Variants in SKAP1 observed in about 807,000 individuals in gnomAD.
SKAP1 encodes the protein src kinase associated phosphoprotein 1.
In SKAP1, 44 loss-of-function variants were observed where a neutral mutation model predicts 58.5. That is an observed-to-expected ratio of 0.75 (90% CI 0.59 to 0.97). The LOEUF (loss-of-function observed/expected upper bound fraction) is 0.97. Among genes scored for constraint, SKAP1 ranks in the 50% least tolerant of loss-of-function variants. The pLI is 0.00. For missense variants in SKAP1, 390 were observed against 435.2 expected (o/e 0.90, Z 0.92); for synonymous variants, 127 against 149.7 (o/e 0.85, Z 1.11).
chr17:48,158,976 A>G (rs2064031789), intron 11 of SKAP1, among the ~76,000 whole-genome samples: 1 of 151,646 alleles, frequency 6.6e-6, no homozygotes, highest in African/African-American at 2.4e-5. Flanking sequence ...AAAAAAAAAA[A>G]AAAAAGAAAC....
intron 1 of SKAP1, among the ~76,000 whole-genome samples, chr17:48,407,301 C>T (rs991724281): frequency 5.3e-5 from 8 of 152,078 alleles, no homozygotes; most frequent in Non-Finnish European, 1.0e-4. Context: ...AACAATAAAA[C>T]AAGTCTATGG....
chr17:48,417,355 A>T (rs1262712918), intron 1 of SKAP1, among the ~76,000 whole-genome samples: 1 of 152,240 alleles, frequency 6.6e-6, no homozygotes, highest in Non-Finnish European at 1.5e-5. Flanking sequence ...CAATGAGAGT[A>T]CTTTAGATCA....
intron 4 of SKAP1, among the ~76,000 whole-genome samples, chr17:48,221,623 T>G (rs1367104853): frequency 6.6e-6 from 1 of 152,252 alleles, no homozygotes; most frequent in Non-Finnish European, 1.5e-5. Context: ...ATAAGGAGGT[T>G]ACTAACCAGC....
At chr17:48,262,265 C>T (rs2065493605) in intron 4 of SKAP1, among the ~76,000 whole-genome samples, 1 of 152,136 alleles carries the variant, frequency 6.6e-6, no homozygotes, top group African/African-American at 2.4e-5. Context: ...CAAACCAGTA[C>T]ATTTTAAGAG....
At chr17:48,412,991 C>T (rs2067683724) in intron 1 of SKAP1, among the ~76,000 whole-genome samples, 1 of 151,750 alleles carries the variant, frequency 6.6e-6, no homozygotes, top group South Asian at 2.1e-4. Context: ...TCTGTCTCAT[C>T]CAGCTTTTTA....
chr17:48,282,611 G>A (rs919806288), intron 4 of SKAP1, among the ~76,000 whole-genome samples: 3 of 151,894 alleles, frequency 2.0e-5, no homozygotes, highest in Non-Finnish European at 4.4e-5. Context: ...TCAGCTCTAC[G>A]AAAAAGTAAA....
At chr17:48,344,227 T>A (rs2066692892) in intron 4 of SKAP1, 1 of 486,584 alleles carries the variant, frequency 2.1e-6, no homozygotes, top group Non-Finnish European at 2.7e-6. Context: ...GATTTTGTTT[T>A]CTATATAAAG....
At chr17:48,372,484 T>C (rs1357164109) in intron 2 of SKAP1, among the ~76,000 whole-genome samples, 1 of 151,938 alleles carries the variant, frequency 6.6e-6, no homozygotes, top group East Asian at 1.9e-4. Context: ...TTTTGTATTT[T>C]TAGTAGACAG....
At chr17:48,411,345 G>A (rs931392912) in intron 1 of SKAP1, among the ~76,000 whole-genome samples, 2 of 151,974 alleles carry the variant, frequency 1.3e-5, no homozygotes, top group African/African-American at 4.8e-5. Flanking sequence ...GTTGCAGTGA[G>A]CCGACATCAC....
the SKAP1 span, among the ~76,000 whole-genome samples, chr17:48,442,150 T>C: frequency 1.3e-5 from 2 of 152,086 alleles, no homozygotes; most frequent in African/African-American, 4.8e-5. Context: ...CGGTCCAAGT[T>C]GTTAATACTC....
At chr17:48,351,514 T>A in intron 3 of SKAP1, among the ~76,000 whole-genome samples, 1 of 152,114 alleles carries the variant, frequency 6.6e-6, no homozygotes, top group Non-Finnish European at 1.5e-5. Context: ...GCAGTGAGTG[T>A]AATGGTACTG....
In SKAP1 at chr17:48,270,437, G is replaced by A. The variant is rs868171067; in HGVS notation, c.280+75468C>T. Among the ~76,000 whole-genome samples the A allele has an allele frequency of 5.9e-5, 9 of 152,008 alleles. No individual in the cohort carries two copies. The South Asian group carries it at 1.5e-3, about 25-fold the overall frequency. On this transcript the variant is annotated intron_variant, in intron 4 of 12. Coordinates refer to ENST00000336915, the MANE Select transcript of SKAP1 (RefSeq NM_003726.4). ...CGGCTCACTGCAACCTCCACCTCCC[G>A]GGTTCAAGCGATTCTCTTGCTTCAG...
chr17:48,296,555 CT>C (rs1161991007), intron 4 of SKAP1, among the ~76,000 whole-genome samples: 2 of 152,124 alleles, frequency 1.3e-5, no homozygotes, highest in Non-Finnish European at 2.9e-5. Context: ...CATGTATCTA[CT>C]TTAAGTTTGC....
intron 9 of SKAP1, among the ~76,000 whole-genome samples, chr17:48,173,647 T>C (rs2037432392): frequency 6.6e-6 from 1 of 152,246 alleles, no homozygotes; most frequent in Admixed American, 6.5e-5. Flanking sequence ...AATAATTTGC[T>C]GTGCTTAGGC....
At chr17:48,138,261 G>A (rs373240793) in intron 11 of SKAP1, among the ~76,000 whole-genome samples, 1 of 151,882 alleles carries the variant, frequency 6.6e-6, no homozygotes, top group East Asian at 1.9e-4. Context: ...CTGGAGTGCA[G>A]TGGCAAGATC....
intron 4 of SKAP1, among the ~76,000 whole-genome samples, chr17:48,311,802 G>A (rs2066228165): frequency 6.6e-6 from 1 of 152,068 alleles, no homozygotes. Context: ...TTAAAATTCG[G>A]CAAGTACTTT....
chr17:48,300,411 G>T (rs1158083885), intron 4 of SKAP1, among the ~76,000 whole-genome samples: 1 of 152,122 alleles, frequency 6.6e-6, no homozygotes, highest in Non-Finnish European at 1.5e-5. Flanking sequence ...CTTGTAAAAT[G>T]GGCTACAGGT....
intron 4 of SKAP1, among the ~76,000 whole-genome samples, chr17:48,236,905 C>G (rs1297522594): frequency 6.6e-6 from 1 of 152,114 alleles, no homozygotes; most frequent in Non-Finnish European, 1.5e-5. Context: ...TTACTATGTG[C>G]CAGGCACTGG....
At chr17:48,196,949 C>T (rs913106906) in intron 4 of SKAP1, among the ~76,000 whole-genome samples, 2 of 152,186 alleles carry the variant, frequency 1.3e-5, no homozygotes, top group African/African-American at 4.8e-5. Flanking sequence ...GAGGGCACAG[C>T]CAGAAGCTCT....
Sources: gnomAD v4.1 joint callset for allele counts (sites outside exome capture counted in the v4.1 genomes callset) on GRCh38, gnomAD v4.1.1 for gene constraint, MANE v1.5 for transcripts, NCBI Gene and HGNC (gene_info 2026-07-23, HGNC 2026-07-21) for gene names.